CLIC5: variants seen among roughly 807,000 people sequenced by gnomAD.
The protein encoded by CLIC5 is CLIC family member 5.
In CLIC5, 20 loss-of-function variants were observed where a neutral mutation model predicts 24.7. The ratio of observed to expected loss-of-function variants is 0.81; its 90% CI spans 0.57 to 1.18. CLIC5 has a LOEUF of 1.18. Among genes scored for constraint, CLIC5 ranks in the 50% most tolerant of loss-of-function variants. The pLI, the probability that CLIC5 is intolerant of heterozygous loss-of-function variation, is 0.00. For missense variants in CLIC5, 341 were observed against 326.1 expected (o/e 1.05, Z -0.35); for synonymous variants, 159 against 135.6 (o/e 1.17, Z -1.20).
rs532735433 is a variant in CLIC5, at chr6:45,903,315, T to C, written c.589-60A>G. On this transcript the variant is annotated intron_variant, in intron 5 of 5. Coordinates refer to ENST00000339561, the MANE Select transcript of CLIC5 (RefSeq NM_016929.5). ...AGGCATGAAACAAATCATTAGAAAG[T>C]GTTAGTGGCCGTCCCAGTGTGTGTG... 3 of 1,484,386 alleles carry C rather than the reference T, an allele frequency of 2.0e-6. No individual in the cohort carries two copies. In the East Asian group the frequency reaches 7.0e-5, roughly 35 times the overall value. The allele number at this position is 1,484,386 out of a possible 1,614,324, so 92.0% of individuals were successfully genotyped here. A position where few individuals can be genotyped will look rare whatever the true frequency, so the allele number is the denominator to read the frequency against.
intron 1 of CLIC5, among the ~76,000 whole-genome samples, chr6:46,076,153 T>C (rs1395367745): frequency 6.6e-6 from 1 of 152,142 alleles, no homozygotes; most frequent in African/African-American, 2.4e-5. Flanking sequence ...GTGAGTGAGG[T>C]TCCCCTAGTG....
At chr6:45,995,969 G>C (rs112359470) in intron 1 of CLIC5, among the ~76,000 whole-genome samples, 1 of 152,058 alleles carries the variant, frequency 6.6e-6, no homozygotes, top group African/African-American at 2.4e-5. Context: ...ACTGTTGAGG[G>C]CTGGGGTGGG....
At chr6:46,080,192 C>A (rs1762889498) in exon 1 of CLIC5, 1 of 1,551,478 alleles carries the variant, frequency 6.4e-7, no homozygotes, top group Non-Finnish European at 8.7e-7. Context: ...CCTCATACGT[C>A]CTCTCATTTT....
chr6:45,974,087 G>A (rs903988060), intron 1 of CLIC5, among the ~76,000 whole-genome samples: 2 of 152,122 alleles, frequency 1.3e-5, no homozygotes, highest in Admixed American at 6.5e-5. Context: ...TAAGAACAGT[G>A]TGATCCCTTT....
chr6:46,000,799 G>A (rs9463165), intron 1 of CLIC5, among the ~76,000 whole-genome samples: 39,317 of 151,880 alleles, frequency 0.26, 5,555 homozygotes, highest in East Asian at 0.49. Flanking sequence ...ACCTCCCATC[G>A]GGTCTCTCCC....
the CLIC5 span, among the ~76,000 whole-genome samples, chr6:46,107,121 T>C: frequency 6.6e-6 from 1 of 152,252 alleles, no homozygotes; most frequent in East Asian, 1.9e-4. Context: ...AAAGTGATTT[T>C]AAAAGTTATT....
intron 5 of CLIC5, among the ~76,000 whole-genome samples, chr6:45,908,640 T>C (rs575111384): frequency 1.3e-5 from 2 of 152,334 alleles, no homozygotes; most frequent in South Asian, 2.1e-4. Flanking sequence ...AAGAGTATGA[T>C]TGATATAATT....
Position 45,881,189 on chromosome 6 carries a change from C to G in CLIC5, c.624-1G>C, listed in dbSNP as rs1762259976. ...CCCCTTTTTTTCAACAAAAAGAAAGCTGAAAGTAAAGAAACAACAGGATTT... is the reference window on the plus strand; with the variant it reads ...CCCCTTTTTTTCAACAAAAAGAAAGGTGAAAGTAAAGAAACAACAGGATTT... On this transcript the variant is annotated splice_acceptor_variant, in intron 6 of 6. Transcript: ENST00000644324. LOFTEE classifies it high-confidence loss of function. The G allele has an allele frequency of 5.0e-6, 2 of 398,148 alleles. No homozygotes were observed. Among genetic ancestry groups the G allele is most frequent in the Non-Finnish European group, 8.9e-6 (2 of 225,952 alleles). The allele number at this position is 398,148 out of a possible 1,614,324, so 24.7% of individuals were successfully genotyped here. A position where few individuals can be genotyped will look rare whatever the true frequency, so the allele number is the denominator to read the frequency against.
At chr6:45,967,619 C>G (rs531898263) in intron 1 of CLIC5, among the ~76,000 whole-genome samples, 120 of 152,262 alleles carry the variant, frequency 7.9e-4, no homozygotes, top group Non-Finnish European at 1.4e-3. Flanking sequence ...AAAGAAATAC[C>G]TGAGACTGGG....
the CLIC5 span, among the ~76,000 whole-genome samples, chr6:46,097,781 G>C: frequency 1.3e-5 from 2 of 152,188 alleles, no homozygotes; most frequent in Admixed American, 6.5e-5. Context: ...TCTCTATATC[G>C]GTATCTCTAG....
intron 2 of CLIC5, among the ~76,000 whole-genome samples, chr6:45,953,153 G>C (rs1387331103): frequency 6.6e-6 from 1 of 152,060 alleles, no homozygotes. Flanking sequence ...GGCATCTTGG[G>C]CGAGTCTCAT....
chr6:45,905,705 A>G (rs1762642517), intron 5 of CLIC5, among the ~76,000 whole-genome samples: 1 of 151,988 alleles, frequency 6.6e-6, no homozygotes, highest in Non-Finnish European at 1.5e-5. Flanking sequence ...GATAGTTTCT[A>G]TGTGCAGAAG....
intron 1 of CLIC5, among the ~76,000 whole-genome samples, chr6:45,972,273 G>GTAATTGGGAATAA (rs1213948202): frequency 6.6e-6 from 1 of 152,162 alleles, no homozygotes; most frequent in Non-Finnish European, 1.5e-5. Context: ...CTCCATCCCT[G>GTAATTGGGAATAA]TAATTGGGAA....
At chr6:46,060,229 A>C (rs2127469685) in intron 1 of CLIC5, among the ~76,000 whole-genome samples, 1 of 152,294 alleles carries the variant, frequency 6.6e-6, no homozygotes, top group East Asian at 1.9e-4. Flanking sequence ...TATTTTGGTA[A>C]GAAGAGCTGA....
intron 6 of CLIC5, among the ~76,000 whole-genome samples, chr6:45,885,768 T>C (rs927157831): frequency 6.6e-6 from 1 of 152,166 alleles, no homozygotes; most frequent in African/African-American, 2.4e-5. Flanking sequence ...CACTGGGCTT[T>C]TTAGGATGTC....
Position 45,902,921 on chromosome 6 carries a change from T to G in CLIC5, c.*167A>C, listed in dbSNP as rs1016927622. Reference sequence around the variant, plus strand: ...TATGTGAGGAGGCCAGGGATGGTGCTGACCTTCATGAAAGATAGCAGGCTG... The same window carrying G: ...TATGTGAGGAGGCCAGGGATGGTGCGGACCTTCATGAAAGATAGCAGGCTG... On this transcript the variant is annotated 3_prime_UTR_variant, in exon 6 of 6. Transcript: ENST00000339561. 1 of 700,212 alleles carries G rather than the reference T, an allele frequency of 1.4e-6. No individual in the cohort carries two copies. The highest frequency in any genetic ancestry group is 2.4e-6 in the Non-Finnish European group (1 of 415,486). 43.4% of individuals were successfully genotyped at this position (700,212 alleles called of 1,614,324 possible).
At chr6:45,948,027 C>T (rs1167977917) in intron 3 of CLIC5, among the ~76,000 whole-genome samples, 2 of 152,142 alleles carry the variant, frequency 1.3e-5, no homozygotes, top group East Asian at 3.8e-4. Context: ...CAGCAATTCA[C>T]TAGATGTGCA....
At chr6:45,947,212 C>T (rs1274692958) in intron 3 of CLIC5, among the ~76,000 whole-genome samples, 2 of 152,212 alleles carry the variant, frequency 1.3e-5, no homozygotes, top group Admixed American at 6.5e-5. Context: ...GTGGTCCCAC[C>T]GTGGTTGCAG....
At chr6:46,053,661 G>A (rs185632488) in intron 1 of CLIC5, among the ~76,000 whole-genome samples, 40 of 152,284 alleles carry the variant, frequency 2.6e-4, no homozygotes, top group African/African-American at 9.6e-4. Context: ...AAAACACCAG[G>A]CAATGCTTTA....
Sources: gnomAD v4.1 joint callset for allele counts (sites outside exome capture counted in the v4.1 genomes callset) on GRCh38, gnomAD v4.1.1 for gene constraint, MANE v1.5 for transcripts, NCBI Gene and HGNC (gene_info 2026-07-23, HGNC 2026-07-21) for gene names.